RGL1: variants seen among roughly 807,000 people sequenced by gnomAD.
RGL1 encodes ral guanine nucleotide dissociation stimulator like 1.
Under a neutral mutation model 95.2 loss-of-function variants are expected in RGL1, and 24 were observed. The ratio of observed to expected loss-of-function variants is 0.25; its 90% CI spans 0.18 to 0.35. The LOEUF is 0.35. RGL1 is among the 10% of genes least tolerant of loss of function. The pLI is 1.00. For missense variants in RGL1, 715 were observed against 936.3 expected, an observed-to-expected ratio of 0.76 and a Z score of 3.08; for synonymous variants, 329 against 344.9, an observed-to-expected ratio of 0.95 and a Z score of 0.51.
intron 2 of RGL1, among the ~76,000 whole-genome samples, chr1:183,836,171 A>G (rs1446214676): frequency 1.3e-5 from 2 of 152,206 alleles, no homozygotes; most frequent in Non-Finnish European, 1.5e-5. Flanking sequence ...TTTACAGTCT[A>G]AGAATGGTTT....
intron 1 of RGL1, chr1:183,647,943 TGGAGTTGTCCACTC>T (rs1250982014): frequency 1.2e-6 from 2 of 1,614,124 alleles, no homozygotes; most frequent in Non-Finnish European, 1.7e-6. Flanking sequence ...TAGGTTGGGT[TGGAGTTGTCCACTC>T]GGCATTTGAA....
chr1:183,857,982 A>T (rs1665262669), intron 3 of RGL1, among the ~76,000 whole-genome samples: 1 of 152,212 alleles, frequency 6.6e-6, no homozygotes. Context: ...GGGATTTATA[A>T]GACCTAAGAG....
At chr1:183,820,676 T>C (rs1347856261) in intron 2 of RGL1, among the ~76,000 whole-genome samples, 1 of 152,196 alleles carries the variant, frequency 6.6e-6, no homozygotes. Flanking sequence ...ACTTGAAATA[T>C]AGCCAGTCCT....
chr1:183,711,603 T>C (rs1167008327), intron 1 of RGL1, among the ~76,000 whole-genome samples: 1 of 152,184 alleles, frequency 6.6e-6, no homozygotes, highest in Admixed American at 6.5e-5. Flanking sequence ...GGGCCTTTAG[T>C]TTTCCCCTTG....
At chr1:183,901,328 A>T (rs2102698185) in intron 11 of RGL1, among the ~76,000 whole-genome samples, 1 of 152,114 alleles carries the variant, frequency 6.6e-6, no homozygotes, top group Non-Finnish European at 1.5e-5. Flanking sequence ...AATAAATAAA[A>T]ATACAAAAAT....
chr1:183,739,891 T>C (rs1657181828), intron 1 of RGL1, among the ~76,000 whole-genome samples: 1 of 152,212 alleles, frequency 6.6e-6, no homozygotes, highest in African/African-American at 2.4e-5. Flanking sequence ...AGAAAGCAGC[T>C]GTGGGCAGAC....
intron 7 of RGL1, among the ~76,000 whole-genome samples, chr1:183,886,445 C>G (rs1277220022): frequency 6.6e-6 from 1 of 151,920 alleles, no homozygotes; most frequent in Non-Finnish European, 1.5e-5. Context: ...CAAAAGCAGA[C>G]TGTCTACCCC....
chr1:183,717,284 A>G (rs1655680014), intron 1 of RGL1, among the ~76,000 whole-genome samples: 1 of 152,204 alleles, frequency 6.6e-6, no homozygotes, highest in African/African-American at 2.4e-5. Flanking sequence ...TGCATCTTGC[A>G]TAGTTCATTG....
chr1:183,647,878 G>A, intron 1 of RGL1: 1 of 1,614,192 alleles, frequency 6.2e-7, no homozygotes, highest in Non-Finnish European at 8.5e-7. Context: ...TGCATTGGTG[G>A]TAAGTCCCTG....
At chr1:183,666,717 A>G (rs552707875) in intron 1 of RGL1, among the ~76,000 whole-genome samples, 7 of 152,354 alleles carry the variant, frequency 4.6e-5, no homozygotes, top group African/African-American at 1.7e-4. Flanking sequence ...GTCTGAAAGC[A>G]GACACTGTAT....
intron 2 of RGL1, among the ~76,000 whole-genome samples, chr1:183,776,759 C>T (rs952377214): frequency 5.9e-5 from 9 of 152,114 alleles, no homozygotes; most frequent in East Asian, 1.9e-4. Context: ...ACAAGGCTTG[C>T]GAAGAGGGCA....
At chr1:183,812,183 C>G (rs1273774495) in intron 2 of RGL1, among the ~76,000 whole-genome samples, 3 of 152,176 alleles carry the variant, frequency 2.0e-5, no homozygotes, top group Non-Finnish European at 4.4e-5. Flanking sequence ...CCATCATATT[C>G]TTTTTACATA....
intron 2 of RGL1, among the ~76,000 whole-genome samples, chr1:183,779,449 A>G (rs2998437): frequency 0.99 from 150,720 of 152,190 alleles, 74,650 homozygotes; most frequent in Non-Finnish European, 1. Context: ...AAGTTTCACC[A>G]TGTTGGCCAG....
chr1:183,685,498 T>G (rs1232836365), intron 1 of RGL1, among the ~76,000 whole-genome samples: 4 of 152,228 alleles, frequency 2.6e-5, no homozygotes, highest in African/African-American at 9.6e-5. Flanking sequence ...CAAGACCTTT[T>G]AATGTTGAGC....
At chr1:183,745,345 A>C (rs1657557605) in intron 2 of RGL1, among the ~76,000 whole-genome samples, 1 of 116,530 alleles carries the variant, frequency 8.6e-6, no homozygotes, top group East Asian at 5.6e-4. Flanking sequence ...ATTTGGTAAA[A>C]TTTATGTCTT....
intron 3 of RGL1, among the ~76,000 whole-genome samples, chr1:183,853,400 G>T (rs1664947538): frequency 6.6e-6 from 1 of 152,120 alleles, no homozygotes; most frequent in Non-Finnish European, 1.5e-5. Flanking sequence ...AGAAACCTTT[G>T]CCAAGCTGAT....
At chr1:183,701,620 AT>A (rs1284418089) in intron 1 of RGL1, among the ~76,000 whole-genome samples, 1 of 152,090 alleles carries the variant, frequency 6.6e-6, no homozygotes, top group East Asian at 1.9e-4. Flanking sequence ...TAGGCTCTTA[AT>A]TTTTCCATTT....
At chr1:183,670,036 A>T (rs1054971587) in intron 1 of RGL1, among the ~76,000 whole-genome samples, 33 of 152,100 alleles carry the variant, frequency 2.2e-4, no homozygotes, top group Non-Finnish European at 4.6e-4. Flanking sequence ...GACACAGCCA[A>T]ACCATATCAG....
chr1:183,734,762 G>A (rs1051443638), intron 1 of RGL1, among the ~76,000 whole-genome samples: 7 of 152,064 alleles, frequency 4.6e-5, no homozygotes, highest in Admixed American at 3.9e-4. Flanking sequence ...ACTTTTTATC[G>A]TAATAAAAAT....
Sources: allele counts gnomAD v4.1 joint callset (sites outside exome capture counted in the v4.1 genomes callset), GRCh38; gene constraint gnomAD v4.1.1; transcripts MANE v1.5; gene names NCBI Gene and HGNC (gene_info 2026-07-23, HGNC 2026-07-21).